Variants in CREB5 observed in about 807,000 individuals in gnomAD.
The protein encoded by CREB5 is cyclic AMP-responsive element-binding protein 5.
CREB5 carries 19 observed loss-of-function variants against 57.1 expected under a neutral mutation model. The observed-to-expected ratio is 0.33, with a 90% CI of 0.23 to 0.49. The LOEUF (loss-of-function observed/expected upper bound fraction) is 0.49, where lower values mean the gene tolerates loss of function less well. Among genes scored for constraint, CREB5 ranks in the 20% least tolerant of loss-of-function variants. The pLI, the probability that CREB5 is intolerant of heterozygous loss-of-function variation, is 0.99. For synonymous variants in CREB5, 238 were observed against 238.3 expected, an observed-to-expected ratio of 1.00 and a Z score of 0.01; for missense variants, 579 against 671.6, an observed-to-expected ratio of 0.86 and a Z score of 1.52.
At chr7:28,609,930 G>A (rs959487599) in intron 5 of CREB5, among the ~76,000 whole-genome samples, 1 of 152,234 alleles carries the variant, frequency 6.6e-6, no homozygotes, top group Non-Finnish European at 1.5e-5. Flanking sequence ...AGGACTTTGA[G>A]GGGCCTGGAA....
rs66854908 is a variant in CREB5 at position 28,326,208 on chromosome 7, TCTAC to T, written c.-25+26771_-25+26774del. ...ATCTATCTATCTATCTATCTATCTA[TCTAC>T]CTATCTATCTTGAAAAACATGAGTT... On this transcript the variant is annotated intron_variant, in intron 1 of 9. Transcript: ENST00000396299. 9.9e-3 allele frequency among the ~76,000 whole-genome samples: 1,189 copies of T among 120,056 alleles called. 8 individuals carry two copies. The highest frequency in any genetic ancestry group is 0.02 in the Middle Eastern group (4 of 200). 78.8% of individuals were successfully genotyped at this position (120,056 alleles called of 152,430 possible).
intron 5 of CREB5, among the ~76,000 whole-genome samples, chr7:28,599,866 T>A (rs1279955929): frequency 6.6e-6 from 1 of 152,212 alleles, no homozygotes; most frequent in Non-Finnish European, 1.5e-5. Flanking sequence ...CAGTGATCTT[T>A]AGGATACTAT....
intron 5 of CREB5, among the ~76,000 whole-genome samples, chr7:28,681,194 T>C (rs1051101336): frequency 3.9e-5 from 6 of 151,982 alleles, no homozygotes; most frequent in African/African-American, 7.3e-5. Flanking sequence ...TTTCTTATTA[T>C]AGGTTTTCTA....
At chr7:28,753,524 C>T (rs1487255578) in intron 7 of CREB5, among the ~76,000 whole-genome samples, 1 of 152,086 alleles carries the variant, frequency 6.6e-6, no homozygotes, top group Non-Finnish European at 1.5e-5. Flanking sequence ...CTTATATTAA[C>T]AACAGGAAGA....
At chr7:28,469,478 G>C (rs988382055) in intron 1 of CREB5, among the ~76,000 whole-genome samples, 5 of 152,096 alleles carry the variant, frequency 3.3e-5, no homozygotes, top group African/African-American at 1.2e-4. Context: ...TTAAAAATTA[G>C]GACCTTGATT....
intron 5 of CREB5, among the ~76,000 whole-genome samples, chr7:28,588,333 A>T (rs1348673968): frequency 1.3e-5 from 2 of 152,192 alleles, no homozygotes; most frequent in Non-Finnish European, 2.9e-5. Context: ...TTATAGTTAC[A>T]TGGGGTTTGT....
intron 1 of CREB5, among the ~76,000 whole-genome samples, chr7:28,427,941 CCA>C (rs1483947538): frequency 1.3e-5 from 2 of 152,114 alleles, no homozygotes; most frequent in African/African-American, 4.8e-5. Flanking sequence ...AACAAAATCT[CCA>C]CATAGATAGG....
At chr7:28,798,365 AGGGTGGGTGT>A (rs3831527) in intron 7 of CREB5, among the ~76,000 whole-genome samples, 4 of 142,810 alleles carry the variant, frequency 2.8e-5, no homozygotes, top group African/African-American at 1.1e-4. Flanking sequence ...TAAATTGCCC[AGGGTGGGTGT>A]GGGTGGGTGT....
At chr7:28,405,916 C>G (rs543385593) in intron 1 of CREB5, among the ~76,000 whole-genome samples, 2 of 152,304 alleles carry the variant, frequency 1.3e-5, no homozygotes, top group South Asian at 4.1e-4. Flanking sequence ...ATGCAGAATC[C>G]TGGACCCAAT....
Position 28,589,536 on chromosome 7 carries a change from A to G in CREB5, c.464+18999A>G, listed in dbSNP as rs1428974494. On this transcript the variant is annotated intron_variant, in intron 5 of 10. Coordinates refer to ENST00000357727, the MANE Select transcript of CREB5 (RefSeq NM_182898.4). ...GCCACTGCACTCCAGGCTGGGCGAC[A>G]GAGCGACACTCTGTCTCAAAAACAA... 2.1e-5 allele frequency among the ~76,000 whole-genome samples: 3 copies of G among 144,390 alleles called. No individual in the cohort carries two copies. In the East Asian group the frequency reaches 5.8e-4, roughly 28 times the overall value. 94.7% of individuals were successfully genotyped at this position (144,390 alleles called of 152,430 possible).
chr7:28,500,999 A>G (rs1406514261), intron 3 of CREB5, among the ~76,000 whole-genome samples: 1 of 152,148 alleles, frequency 6.6e-6, no homozygotes, highest in Non-Finnish European at 1.5e-5. Flanking sequence ...GCTACCATTT[A>G]CTGCCTTCCC....
At chr7:28,389,040 C>T (rs568763764) in intron 1 of CREB5, among the ~76,000 whole-genome samples, 1 of 152,116 alleles carries the variant, frequency 6.6e-6, no homozygotes, top group Non-Finnish European at 1.5e-5. Context: ...TGGAGAGGAA[C>T]TATTTGTAGT....
intron 4 of CREB5, among the ~76,000 whole-genome samples, chr7:28,523,447 A>C (rs973896739): frequency 1.3e-5 from 2 of 152,146 alleles, no homozygotes; most frequent in African/African-American, 4.8e-5. Flanking sequence ...GCTACATTCT[A>C]TTAGAGGAAC....
intron 5 of CREB5, among the ~76,000 whole-genome samples, chr7:28,644,430 G>A (rs576078377): frequency 1.1e-4 from 17 of 152,252 alleles, no homozygotes; most frequent in South Asian, 8.3e-4. Flanking sequence ...ATTTTGGGGG[G>A]CCAGACTTTA....
chr7:28,556,313 G>T (rs1794872407), intron 4 of CREB5, among the ~76,000 whole-genome samples: 1 of 152,176 alleles, frequency 6.6e-6, no homozygotes, highest in South Asian at 2.1e-4. Flanking sequence ...CAGATAGGAA[G>T]CTGTGGCCTT....
intron 1 of CREB5, among the ~76,000 whole-genome samples, chr7:28,402,255 G>C (rs1787482560): frequency 6.6e-6 from 1 of 151,996 alleles, no homozygotes; most frequent in Admixed American, 6.6e-5. Context: ...TTTTTGATGG[G>C]GTTCTTTGAT....
chr7:28,301,149 G>A (rs1178242789), intron 1 of CREB5, among the ~76,000 whole-genome samples: 1 of 152,182 alleles, frequency 6.6e-6, no homozygotes, highest in Non-Finnish European at 1.5e-5. Flanking sequence ...AGTTGCTCAA[G>A]CTTACTTTTT....
At chr7:28,551,097 TTGA>T (rs933502783) in intron 4 of CREB5, among the ~76,000 whole-genome samples, 4 of 151,990 alleles carry the variant, frequency 2.6e-5, no homozygotes, top group Non-Finnish European at 5.9e-5. Context: ...GCAAGTGAAG[TTGA>T]TGATTACCAG....
chr7:28,777,958 A>G (rs1583721611), intron 7 of CREB5, among the ~76,000 whole-genome samples: 1 of 152,362 alleles, frequency 6.6e-6, no homozygotes, highest in South Asian at 2.1e-4. Context: ...CTTTGAAAAC[A>G]TAATTTCTCT....
Sources: gnomAD v4.1 joint callset for allele counts (sites outside exome capture counted in the v4.1 genomes callset) on GRCh38, gnomAD v4.1.1 for gene constraint, MANE v1.5 for transcripts, NCBI Gene and HGNC (gene_info 2026-07-23, HGNC 2026-07-21) for gene names.